Variants in CCNY observed in about 807,000 individuals in gnomAD.
The protein encoded by CCNY is cyclin Y.
Under a neutral mutation model 42.8 loss-of-function variants are expected in CCNY, and 19 were observed. The ratio of observed to expected loss-of-function variants is 0.44; its 90% confidence interval spans 0.31 to 0.65. The LOEUF is 0.65. Ranked by LOEUF, CCNY falls within the 30% of genes least tolerant of loss-of-function variation. The pLI is 0.07. For synonymous variants in CCNY, 165 were observed against 162.7 expected (o/e 1.01, Z -0.11); for missense variants, 370 against 437.3 (o/e 0.85, Z 1.37).
At chr10:35,539,108 C>T (rs776445256) in intron 7 of CCNY, among the ~76,000 whole-genome samples, 6 of 152,136 alleles carry the variant, frequency 3.9e-5, no homozygotes. Context: ...AATTTTGTTC[C>T]ATTTATCTAT....
In CCNY at chr10:35,252,765, TG is replaced by T. The variant is rs1588999455; in HGVS notation, c.-9+2140del. Among the ~76,000 whole-genome samples, 3 of 152,150 alleles carry T rather than the reference TG, an allele frequency of 2.0e-5. No individual in the cohort carries two copies. The East Asian group carries it at 5.8e-4, about 29-fold the overall frequency. On this transcript the variant is annotated intron_variant, in intron 3 of 11. Transcript: ENST00000374706. ...ATATTGCTTATGGTTCCAACTGCAT[TG>T]TTGTCATCCAAATGACTTTATTGAA...
Position 35,250,148 on chromosome 10 carries a change from C to T in CCNY, c.-113-374C>T, listed in dbSNP as rs532694877. ...GGCAGAGCTTGCAGTGAGCTAAGAT[C>T]GTGCCACTGCACTCCAGCCTCGGTG... On this transcript the variant is annotated intron_variant, in intron 2 of 11. Transcript: ENST00000374706. Among the ~76,000 whole-genome samples, 173 of 145,058 alleles carry T rather than the reference C, an allele frequency of 1.2e-3. 1 individual carries two copies. Among genetic ancestry groups the T allele is most frequent in the African/African-American group, 4.3e-3 (167 of 38,630 alleles).
chr10:35,395,679 G>T (rs1418192134), intron 1 of CCNY, among the ~76,000 whole-genome samples: 1 of 152,220 alleles, frequency 6.6e-6, no homozygotes, highest in Non-Finnish European at 1.5e-5. Context: ...GGCCAAAGGT[G>T]GAGGTCCATT....
upstream of CCNY, among the ~76,000 whole-genome samples, chr10:35,334,602 G>A (rs1401963897): frequency 6.6e-6 from 1 of 152,200 alleles, no homozygotes; most frequent in Admixed American, 6.5e-5. Flanking sequence ...TAATTCTTTA[G>A]AACTTCCCTT....
At chr10:35,489,253 A>G (rs937716181) in intron 2 of CCNY, among the ~76,000 whole-genome samples, 5 of 152,176 alleles carry the variant, frequency 3.3e-5, no homozygotes, top group Non-Finnish European at 7.3e-5. Context: ...GATATTACTT[A>G]TTACTGAAAT....
intron 1 of CCNY, among the ~76,000 whole-genome samples, chr10:35,429,313 G>A (rs1357006329): frequency 1.3e-5 from 2 of 152,158 alleles, no homozygotes; most frequent in African/African-American, 4.8e-5. Flanking sequence ...AGTTATTTTT[G>A]TAGAAATAGG....
intron 7 of CCNY, among the ~76,000 whole-genome samples, chr10:35,537,295 G>A (rs1373942518): frequency 6.6e-6 from 1 of 152,222 alleles, no homozygotes; most frequent in Non-Finnish European, 1.5e-5. Flanking sequence ...CAGGGGCGGG[G>A]CCCTCAATGG....
chr10:35,473,363 A>G lies in CCNY; in HGVS notation c.155-10041A>G, dbSNP rs183084087. Among the ~76,000 whole-genome samples the G allele has an allele frequency of 1.2e-3, 188 of 152,336 alleles. 1 individual carries two copies. Among genetic ancestry groups the G allele is most frequent in the African/African-American group, 3.8e-3 (156 of 41,574 alleles). ...CAGTAAGGCAGTAGTTTGTGTTACA[A>G]TGACACCCAGTAGAGTAACTATTTA... On this transcript the variant is annotated intron_variant, in intron 1 of 9. Transcript: ENST00000374704.
chr10:35,476,588 G>A (rs1217922556), intron 1 of CCNY, among the ~76,000 whole-genome samples: 9 of 151,212 alleles, frequency 6.0e-5, no homozygotes, highest in East Asian at 3.9e-4. Context: ...TGAAACCAAC[G>A]AGAACAAAGA....
intron 1 of CCNY, among the ~76,000 whole-genome samples, chr10:35,441,728 C>CA (rs1262147383): frequency 6.6e-6 from 1 of 152,132 alleles, no homozygotes; most frequent in Non-Finnish European, 1.5e-5. Flanking sequence ...GCCTGGGTGA[C>CA]AGAGTGAGGC....
intron 3 of CCNY, among the ~76,000 whole-genome samples, chr10:35,305,078 T>G (rs1181803721): frequency 1.3e-5 from 2 of 152,068 alleles, no homozygotes; most frequent in Non-Finnish European, 2.9e-5. Context: ...TTTGGAAAAA[T>G]ATAAAATCTG....
chr10:35,351,475 G>A (rs1319998769), intron 1 of CCNY, among the ~76,000 whole-genome samples: 1 of 152,208 alleles, frequency 6.6e-6, no homozygotes, highest in Non-Finnish European at 1.5e-5. Flanking sequence ...AGGTCTCTCA[G>A]GGAAGGTCCA....
chr10:35,256,604 T>C (rs966670772), intron 3 of CCNY, among the ~76,000 whole-genome samples: 2 of 151,788 alleles, frequency 1.3e-5, no homozygotes, highest in Non-Finnish European at 2.9e-5. Flanking sequence ...TGGTGGCGGG[T>C]GCCTGTAATC....
chr10:35,366,036 G>T (rs546418594), intron 1 of CCNY, among the ~76,000 whole-genome samples: 47 of 152,216 alleles, frequency 3.1e-4, no homozygotes, highest in Non-Finnish European at 5.1e-4. Flanking sequence ...TCATGAGGAT[G>T]AAGATGCTGT....
chr10:35,365,250 A>G (rs1207794225), intron 1 of CCNY, among the ~76,000 whole-genome samples: 1 of 152,210 alleles, frequency 6.6e-6, no homozygotes, highest in African/African-American at 2.4e-5. Flanking sequence ...AGCAAGAGTA[A>G]CATAAATTTG....
chr10:35,410,027 G>C lies in CCNY; in HGVS notation c.154+72820G>C, dbSNP rs184509297. 1.9e-3 allele frequency among the ~76,000 whole-genome samples: 283 copies of C among 152,218 alleles called. 1 individual carries two copies. Among genetic ancestry groups the C allele is most frequent in the African/African-American group, 6.5e-3 (268 of 41,522 alleles). ...CAAAGTGCTGGGATTATAAGCATGA[G>C]CCCCTGCACCAGCCATGTGATTGTT... On this transcript the variant is annotated intron_variant, in intron 1 of 9. Coordinates refer to ENST00000374704, the MANE Select transcript of CCNY (RefSeq NM_145012.6).
At chr10:35,466,115 C>G (rs1404760928) in intron 1 of CCNY, among the ~76,000 whole-genome samples, 1 of 151,970 alleles carries the variant, frequency 6.6e-6, no homozygotes, top group Non-Finnish European at 1.5e-5. Context: ...TTTCTGTAGT[C>G]AGCACACATT....
chr10:35,250,685 T>C (rs2095711419), intron 3 of CCNY: 1 of 152,408 alleles, frequency 6.6e-6, no homozygotes. Context: ...CCTGACATTC[T>C]GCCATTTCCA....
At chr10:35,262,563 T>C (rs973961313) in intron 3 of CCNY, among the ~76,000 whole-genome samples, 2 of 151,972 alleles carry the variant, frequency 1.3e-5, no homozygotes, top group Non-Finnish European at 2.9e-5. Flanking sequence ...GGTTTCACCA[T>C]ATTGGTTAGG....
Sources: allele counts gnomAD v4.1 joint callset (sites outside exome capture counted in the v4.1 genomes callset), GRCh38; gene constraint gnomAD v4.1.1; transcripts MANE v1.5; gene names NCBI Gene and HGNC (gene_info 2026-07-23, HGNC 2026-07-21).